The following ATAD5 variants were observed in gnomAD, a reference collection of about 807,000 sequenced individuals.
ATAD5 encodes the protein ATPase family AAA domain containing 5, also known as ATPase family AAA domain-containing protein 5.
A neutral mutation model predicts 176.9 loss-of-function variants in ATAD5; 58 were observed. The observed-to-expected ratio is 0.33, with a 90% CI of 0.27 to 0.41. The LOEUF is 0.41. Ranked by LOEUF, ATAD5 falls within the 10% of genes least tolerant of loss-of-function variation. ATAD5 has a pLI of 1.00. For missense variants in ATAD5, 1,789 were observed against 2,094.1 expected (o/e 0.85, Z 2.84); for synonymous variants, 640 against 712.6 (o/e 0.90, Z 1.62).
chr17:30,895,282 G>A lies in ATAD5; in HGVS notation c.*369G>A, dbSNP rs1909850068. ...GGCTGCTAACATTAGTGTCACTAAAGTTGGTATACAATCTCCCACTGCTAA... is the reference window on the plus strand; with the variant it reads ...GGCTGCTAACATTAGTGTCACTAAAATTGGTATACAATCTCCCACTGCTAA... On this transcript the variant is annotated 3_prime_UTR_variant, in exon 23 of 23. Transcript: ENST00000321990. 6.4e-6 allele frequency: 1 copy of A among 156,800 alleles called. No homozygotes were observed. Among genetic ancestry groups the A allele is most frequent in the South Asian group, 2.0e-4 (1 of 4,932 alleles). The allele number at this position is 156,800 out of a possible 1,614,324, so 9.7% of individuals were successfully genotyped here.
intron 16 of ATAD5, 52 bp from the exon 17 acceptor site, chr17:30,877,951 A>G (rs1908769607): frequency 2.4e-6 from 3 of 1,249,136 alleles, no homozygotes; most frequent in Non-Finnish European, 2.3e-6. Flanking sequence ...CTATGTATAC[A>G]TAACTGATAT....
At chr17:30,844,635 C>T (rs1303586609) in intron 5 of ATAD5, among the ~76,000 whole-genome samples, 200 bp from the exon 6 acceptor site, 1 of 144,198 alleles carries the variant, frequency 6.9e-6, no homozygotes, top group South Asian at 2.2e-4. Flanking sequence ...GTAGTTCCAG[C>T]TACTCGGGAG....
At position 30,835,070 on chromosome 17, in the gene ATAD5, C is replaced by A. The variant is rs571988701; in HGVS notation, c.989C>A (p.Pro330His). The A allele has an allele frequency of 6.8e-6, 11 of 1,613,974 alleles. No homozygotes were observed. The highest frequency in any genetic ancestry group is 9.3e-6 in the Non-Finnish European group (11 of 1,179,984). The change falls in exon 2 of 23, where the codon CCT (proline) becomes CAT (histidine). Residue 330 changes from proline (P) to histidine (H), a missense_variant. Around this residue, in one of 6 missense-constraint regions of ATAD5, gnomAD observed 696 missense variants for 712.5 expected, o/e 0.98. Transcript: ENST00000321990. ...KTVTVLAQVH[P>H]IPPKKTGKIP... ...GTTACTGTTCTTGCACAGGTTCACC[C>A]TATTCCGCCCAAAAAGACAGGGAAA...
In ATAD5 at chr17:30,855,144, C is replaced by G. The variant is rs762327955; in HGVS notation, c.2452C>G (p.Gln818Glu). ...DPVPSFDESS[Q>E]DTSEKSQDCD... ...TTTTTCAAATCATTTTCTTAAAAGT[C>G]AAGATACATCTGAAAAATCTCAGGA... Residue 818 changes from glutamine to glutamate, a missense_variant and splice_region_variant, in exon 7 of 23, where the codon CAA becomes GAA. Transcript: ENST00000321990. 8 of 1,595,532 alleles carry G rather than the reference C, an allele frequency of 5.0e-6. No individual in the cohort carries two copies. Among genetic ancestry groups the G allele is most frequent in the Non-Finnish European group, 6.8e-6 (8 of 1,172,488 alleles).
intron 5 of ATAD5, among the ~76,000 whole-genome samples, 162 bp downstream of exon 5, chr17:30,844,201 G>A (rs980999876): frequency 2.0e-5 from 3 of 152,030 alleles, no homozygotes; most frequent in South Asian, 2.1e-4. Flanking sequence ...GCGGGATCTC[G>A]GCTCACTGCA....
At chr17:30,845,471 C>T (rs180801921) in intron 6 of ATAD5, among the ~76,000 whole-genome samples, 2 of 152,194 alleles carry the variant, frequency 1.3e-5, no homozygotes, top group South Asian at 2.1e-4. Flanking sequence ...TGTGTTTCAG[C>T]CAGAGAGAAC....
chr17:30,869,275 G>A lies in ATAD5; in HGVS notation c.3341G>A (p.Gly1114Asp). ...TTCTCGGGTGGCATAGACTTTAAAG[G>A]CAGTTCAGATGATGAAGAAGAGAGT... ...EDFSGGIDFK[G>D]SSDDEEESRL... The change falls in exon 13 of 23, where the codon GGC becomes GAC. Residue 1114 changes from glycine (G) to aspartate (D), a missense_variant. Physicochemically the swap from Gly to Asp is moderately conservative, Grantham distance 94. Around this residue, in one of 6 missense-constraint regions of ATAD5, gnomAD observed 487 missense variants for 573.6 expected, o/e 0.85. Coordinates refer to ENST00000321990, the MANE Select transcript of ATAD5 (RefSeq NM_024857.5). The A allele has an allele frequency of 6.2e-7, 1 of 1,611,628 alleles. No individual in the cohort carries two copies. The highest frequency in any genetic ancestry group is 1.1e-5 in the South Asian group (1 of 90,610).
At chr17:30,868,741 G>A (rs899763775) in intron 12 of ATAD5, among the ~76,000 whole-genome samples, 2 of 151,508 alleles carry the variant, frequency 1.3e-5, no homozygotes, top group African/African-American at 2.4e-5. Flanking sequence ...TCCTGACCTC[G>A]TGATCCACCC....
At chr17:30,891,003 G>A (rs1053897992) in intron 19 of ATAD5, among the ~76,000 whole-genome samples, 2 of 152,090 alleles carry the variant, frequency 1.3e-5, no homozygotes. Flanking sequence ...TAATTTAACC[G>A]TTACTTACAG....
Position 30,892,672 on chromosome 17 carries a change from A to C in ATAD5, c.4324A>C (p.Lys1442Gln). ...EHGLDNKIYP[K>Q]NTKKKRVDLP... The stretch of plus-strand genomic sequence containing the variant: ...TGGCCTTGATAACAAAATTTACCCT[A>C]AAAATACTAAAAAGAAACGTGTAGA... Residue 1442 changes from lysine (K) to glutamine (Q), a missense_variant, in exon 20 of 23, where the codon AAA becomes CAA. Physicochemically the swap from Lys to Gln is moderately conservative, Grantham distance 53. This residue lies in a region of ATAD5 where 403 missense variants were observed against 495.1 expected (regional missense o/e 0.81). Transcript: ENST00000321990. The C allele has an allele frequency of 6.2e-7, 1 of 1,601,294 alleles. No homozygotes were observed. Among genetic ancestry groups the C allele is most frequent in the Non-Finnish European group, 8.5e-7 (1 of 1,174,604 alleles).
rs1909836744 is a variant in ATAD5, at chr17:30,895,045, A to T, written c.*132A>T. On this transcript the variant is annotated 3_prime_UTR_variant, in exon 23 of 23. Coordinates refer to ENST00000321990, the MANE Select transcript of ATAD5 (RefSeq NM_024857.5). ...AAACAAACAATTTGTATATTTTTTT[A>T]TTGGCGGGTAAATATTTAAAATATT... 1.8e-6 allele frequency: 1 copy of T among 559,380 alleles called. No homozygotes were observed. The highest frequency in any genetic ancestry group is 4.0e-5 in the Admixed American group (1 of 25,194). 34.7% of individuals were successfully genotyped at this position (559,380 alleles called of 1,614,324 possible). A position where few individuals can be genotyped will look rare whatever the true frequency, so the allele number is the denominator to read the frequency against.
intron 3 of ATAD5, among the ~76,000 whole-genome samples, chr17:30,839,377 CG>C (rs1567678582): frequency 1.3e-5 from 2 of 151,410 alleles, no homozygotes; most frequent in African/African-American, 4.9e-5. Flanking sequence ...CTCTGCTTCA[CG>C]CCATTCTCCT....
intron 5 of ATAD5, 151 bp downstream of exon 5, chr17:30,844,190 G>A (rs912587652): frequency 1.7e-4 from 114 of 678,350 alleles, no homozygotes; most frequent in Non-Finnish European, 2.2e-4. Context: ...GTGCAGCGCC[G>A]GCGGGATCTC....
At chr17:30,884,311 G>A (rs1010632655) in intron 18 of ATAD5, among the ~76,000 whole-genome samples, 4 of 150,732 alleles carry the variant, frequency 2.7e-5, no homozygotes, top group Admixed American at 6.6e-5. Context: ...ATGAGCCATC[G>A]CGCCAGGCTG....
chr17:30,840,322 A>T (rs535037180), intron 3 of ATAD5, among the ~76,000 whole-genome samples: 50 of 152,186 alleles, frequency 3.3e-4, no homozygotes, highest in African/African-American at 1.2e-3. Context: ...GGATTTGGAA[A>T]GTACTTTGCC....
At chr17:30,882,406 G>A (rs1280474798) in intron 18 of ATAD5, among the ~76,000 whole-genome samples, 1 of 151,744 alleles carries the variant, frequency 6.6e-6, no homozygotes, top group East Asian at 1.9e-4. Context: ...TCTACAAAAA[G>A]CACAAAAATT....
chr17:30,871,599 C>G (rs79933060), intron 14 of ATAD5, among the ~76,000 whole-genome samples: 13,739 of 152,150 alleles, frequency 0.09, 1,784 homozygotes, highest in African/African-American at 0.29. Flanking sequence ...ATCCACCCCC[C>G]ATGGCCTCCC....
chr17:30,880,615 AAAAAAAAAG>A (rs1168091590), intron 18 of ATAD5, among the ~76,000 whole-genome samples: 5 of 151,890 alleles, frequency 3.3e-5, no homozygotes, highest in Admixed American at 3.3e-4. Flanking sequence ...TCTCAAAAAA[AAAAAAAAAG>A]AAAAAAGAGC....
chr17:30,876,317 T>C, intron 14 of ATAD5, 57 bp from the exon 15 acceptor site: 2 of 1,456,954 alleles, frequency 1.4e-6, no homozygotes, highest in Non-Finnish European at 1.8e-6. Context: ...CTAACTGTCT[T>C]GCTACCTGTA....
Sources: gnomAD v4.1 joint callset for allele counts (sites outside exome capture counted in the v4.1 genomes callset) on GRCh38, gnomAD v4.1.1 for gene constraint, gnomAD v4.1.1 regional missense constraint, MANE v1.5 for transcripts, NCBI Gene and HGNC (gene_info 2026-07-23, HGNC 2026-07-21) for gene names.